Variants in UBE2H observed in about 807,000 individuals in gnomAD.
UBE2H encodes ubiquitin conjugating enzyme E2 H.
A neutral mutation model predicts 29.0 loss-of-function variants in UBE2H; 3 were observed. The observed-to-expected ratio is 0.10, with a 90% CI of 0.05 to 0.27. The LOEUF is 0.27. Among genes scored for constraint, UBE2H ranks in the 10% least tolerant of loss-of-function variants. UBE2H has a pLI of 1.00. For synonymous variants in UBE2H, 69 were observed against 82.9 expected, an observed-to-expected ratio of 0.83 and a Z score of 0.91; for missense variants, 68 against 228.2, an observed-to-expected ratio of 0.30 and a Z score of 4.52.
chr7:129,873,101 C>A (rs1175583130), intron 3 of UBE2H, among the ~76,000 whole-genome samples: 1 of 151,200 alleles, frequency 6.6e-6, no homozygotes, highest in Non-Finnish European at 1.5e-5. Flanking sequence ...CTCATGCAAG[C>A]TCCGCCTCCC....
intron 1 of UBE2H, among the ~76,000 whole-genome samples, chr7:129,887,613 G>C (rs1040954445): frequency 8.6e-5 from 13 of 152,042 alleles, no homozygotes; most frequent in African/African-American, 3.1e-4. Context: ...GTTTGAAGAA[G>C]ACAAAAAATA....
chr7:129,907,644 A>G (rs1045635954), intron 1 of UBE2H, among the ~76,000 whole-genome samples: 4 of 152,256 alleles, frequency 2.6e-5, no homozygotes, highest in African/African-American at 9.6e-5. Context: ...GATGCAAAGC[A>G]CAATTTTAGG....
intron 1 of UBE2H, among the ~76,000 whole-genome samples, chr7:129,899,566 C>A (rs1219939456): frequency 6.6e-6 from 1 of 152,154 alleles, no homozygotes; most frequent in Non-Finnish European, 1.5e-5. Context: ...TTCCTTCTTG[C>A]CTCTTTAACA....
At chr7:129,951,949 C>A (rs185495233) in intron 1 of UBE2H, among the ~76,000 whole-genome samples, 1 of 152,234 alleles carries the variant, frequency 6.6e-6, no homozygotes, top group African/African-American at 2.4e-5. Flanking sequence ...ACACACAGAG[C>A]TCTTTCTTAG....
At chr7:129,903,190 G>T (rs1315443005) in intron 1 of UBE2H, among the ~76,000 whole-genome samples, 1 of 152,204 alleles carries the variant, frequency 6.6e-6, no homozygotes, top group African/African-American at 2.4e-5. Context: ...TTCAAAAACT[G>T]TACTCATATA....
intron 1 of UBE2H, among the ~76,000 whole-genome samples, chr7:129,949,757 C>G (rs775130136): frequency 1.3e-5 from 2 of 152,170 alleles, no homozygotes; most frequent in Non-Finnish European, 2.9e-5. Flanking sequence ...TCCCTACCCC[C>G]ACACTGCTAC....
chr7:129,893,871 C>A (rs1806548747), intron 1 of UBE2H, among the ~76,000 whole-genome samples: 1 of 152,284 alleles, frequency 6.6e-6, no homozygotes, highest in Non-Finnish European at 1.5e-5. Context: ...CAAAAGCCTA[C>A]TTTTGGGCCT....
intron 1 of UBE2H, among the ~76,000 whole-genome samples, chr7:129,911,365 C>T (rs138405262): frequency 0.065 from 7,069 of 109,530 alleles, 188 homozygotes; most frequent in South Asian, 0.19. Context: ...AGTGAGACTC[C>T]GTCTCAATTA....
chr7:129,948,871 G>A (rs1271836454), intron 1 of UBE2H: 3 of 300,458 alleles, frequency 1.0e-5, no homozygotes, highest in South Asian at 2.7e-5. Flanking sequence ...TTTACCCCTC[G>A]AAAACACACT....
chr7:129,884,749 A>G (rs1464858251), intron 1 of UBE2H, among the ~76,000 whole-genome samples: 2 of 151,850 alleles, frequency 1.3e-5, no homozygotes, highest in African/African-American at 4.8e-5. Context: ...ACACCCAGCT[A>G]ATTTTTTTAG....
chr7:129,845,991 C>G (rs1309750537), intron 5 of UBE2H, among the ~76,000 whole-genome samples: 1 of 152,128 alleles, frequency 6.6e-6, no homozygotes, highest in African/African-American at 2.4e-5. Flanking sequence ...CTACCTGTAT[C>G]CCTTAAAGAA....
At chr7:129,931,709 A>G (rs1197267665) in intron 1 of UBE2H, among the ~76,000 whole-genome samples, 2 of 152,100 alleles carry the variant, frequency 1.3e-5, no homozygotes, top group East Asian at 3.8e-4. Flanking sequence ...AATTCTGGAC[A>G]TTTTTTGTTG....
chr7:129,923,879 G>A (rs1313729911), intron 1 of UBE2H, among the ~76,000 whole-genome samples: 1 of 152,178 alleles, frequency 6.6e-6, no homozygotes, highest in Admixed American at 6.6e-5. Context: ...TCACTCCACA[G>A]GATAGAATCA....
intron 5 of UBE2H, among the ~76,000 whole-genome samples, chr7:129,854,073 T>G (rs933058156): frequency 6.7e-6 from 1 of 150,098 alleles, no homozygotes; most frequent in South Asian, 2.1e-4. Flanking sequence ...TTTTTTTTTT[T>G]TTTTTTTTTG....
intron 3 of UBE2H, among the ~76,000 whole-genome samples, chr7:129,864,282 C>G (rs938541179): frequency 2.6e-5 from 4 of 152,142 alleles, no homozygotes; most frequent in African/African-American, 9.7e-5. Flanking sequence ...GCCAGAAATT[C>G]GGAAAAGGAA....
In UBE2H at chr7:129,842,810, G is replaced by C. The variant is rs1026179410; in HGVS notation, c.299-3475C>G. ...CCCAGCTACTTGGGAGGCTGAGGCA[G>C]GAGAATTGCTTGAACCCAGGAGGTG... On this transcript the variant is annotated intron_variant, in intron 5 of 6. Coordinates refer to ENST00000355621, the MANE Select transcript of UBE2H (RefSeq NM_003344.4). Among the ~76,000 whole-genome samples the C allele has an allele frequency of 3.9e-5, 6 of 151,924 alleles. No individual in the cohort carries two copies. The South Asian group carries it at 1.2e-3, about 32-fold the overall frequency.
At chr7:129,924,411 C>T (rs896367405) in intron 1 of UBE2H, among the ~76,000 whole-genome samples, 1 of 152,092 alleles carries the variant, frequency 6.6e-6, no homozygotes, top group African/African-American at 2.4e-5. Flanking sequence ...AAAAGGTTTT[C>T]TACTTTGAAC....
intron 1 of UBE2H, among the ~76,000 whole-genome samples, chr7:129,944,764 G>A (rs80115810): frequency 0.13 from 19,423 of 146,768 alleles, 1,586 homozygotes; most frequent in East Asian, 0.3. Flanking sequence ...ACGCACGCAC[G>A]CGCATGCGCA....
chr7:129,871,675 T>C (rs1052822631), intron 3 of UBE2H, among the ~76,000 whole-genome samples: 5 of 149,682 alleles, frequency 3.3e-5, no homozygotes, highest in African/African-American at 4.9e-5. Context: ...GATTGTGCCA[T>C]TGCACTCCAG....
Sources: gnomAD v4.1 joint callset for allele counts (sites outside exome capture counted in the v4.1 genomes callset) on GRCh38, gnomAD v4.1.1 for gene constraint, MANE v1.5 for transcripts, NCBI Gene and HGNC (gene_info 2026-07-23, HGNC 2026-07-21) for gene names.